The following RORA variants were observed in gnomAD, a reference collection of about 807,000 sequenced individuals.
RORA encodes nuclear receptor ROR-alpha.
RORA carries 7 observed loss-of-function variants against 69.5 expected under a neutral mutation model. The observed-to-expected ratio is 0.10, with a 90% CI of 0.06 to 0.19. The LOEUF (loss-of-function observed/expected upper bound fraction) is 0.19. Among genes scored for constraint, RORA ranks in the 10% least tolerant of loss-of-function variants. The pLI, the probability that RORA is intolerant of heterozygous loss-of-function variation, is 1.00. For missense variants in RORA, 457 were observed against 663.0 expected (o/e 0.69, Z 3.41); for synonymous variants, 261 against 240.8 (o/e 1.08, Z -0.78).
At chr15:60,724,116 T>C (rs1403248617) in intron 1 of RORA, among the ~76,000 whole-genome samples, 1 of 152,312 alleles carries the variant, frequency 6.6e-6, no homozygotes. Context: ...TCATGAATTT[T>C]TATCTTGGAT....
Position 61,182,611 on chromosome 15 carries a change from G to A in RORA, c.166+46442C>T, listed in dbSNP as rs768060306. ...AACCATGACAAAGGCTTGAAAAGGA[G>A]CTTGTGGTAAGTTTAAGGAGAAGTA... is the stretch of plus-strand genomic sequence containing the variant. On this transcript the variant is annotated intron_variant, in intron 1 of 10. Coordinates refer to ENST00000335670, the MANE Select transcript of RORA (RefSeq NM_134261.3). Among the ~76,000 whole-genome samples, 28 of 152,306 alleles carry A rather than the reference G, an allele frequency of 1.8e-4. No individual in the cohort carries two copies. In the Middle Eastern group the frequency reaches 0.02, roughly 111 times the overall value.
chr15:61,103,469 G>A (rs945883543), intron 1 of RORA, among the ~76,000 whole-genome samples: 4 of 152,208 alleles, frequency 2.6e-5, no homozygotes, highest in African/African-American at 9.7e-5. Context: ...CTCACAGGGA[G>A]GGTGGGGTGC....
chr15:60,514,533 G>C, intron 4 of RORA, 83 bp downstream of exon 4: 2 of 1,363,778 alleles, frequency 1.5e-6, no homozygotes, highest in South Asian at 2.5e-5. Context: ...AGGCGGGGCA[G>C]ATATTGGCAG....
chr15:61,000,704 G>T (rs1894718198), intron 1 of RORA, among the ~76,000 whole-genome samples: 1 of 152,230 alleles, frequency 6.6e-6, no homozygotes, highest in South Asian at 2.1e-4. Context: ...GATTACTATT[G>T]TCCAGCACAT....
intron 1 of RORA, among the ~76,000 whole-genome samples, chr15:60,982,438 T>C (rs1894072327): frequency 1.3e-5 from 2 of 152,240 alleles, no homozygotes; most frequent in Non-Finnish European, 2.9e-5. Flanking sequence ...CCCCAATTGT[T>C]ATCCATTGCC....
intron 2 of RORA, chr15:60,627,304 T>G (rs748254416): frequency 2.5e-6 from 4 of 1,614,168 alleles, no homozygotes; most frequent in Non-Finnish European, 3.4e-6. Context: ...TCGAAGACAA[T>G]GACCCATGAT....
chr15:60,648,052 T>A (rs1352947450), intron 2 of RORA, among the ~76,000 whole-genome samples: 1 of 152,176 alleles, frequency 6.6e-6, no homozygotes, highest in African/African-American at 2.4e-5. Context: ...CTGACTTCGA[T>A]TGGCTAACTT....
intron 1 of RORA, among the ~76,000 whole-genome samples, chr15:61,154,668 C>A (rs12708465): frequency 0.53 from 80,749 of 151,556 alleles, 22,081 homozygotes; most frequent in Non-Finnish European, 0.59. Context: ...ATCATACAGT[C>A]AAGTCCCTCT....
At chr15:60,650,064 T>C (rs2070116623) in intron 2 of RORA, among the ~76,000 whole-genome samples, 1 of 152,196 alleles carries the variant, frequency 6.6e-6, no homozygotes, top group Non-Finnish European at 1.5e-5. Flanking sequence ...TATCTTTTCA[T>C]CCTAAGACTT....
intron 1 of RORA, among the ~76,000 whole-genome samples, chr15:61,132,685 C>T (rs1201299490): frequency 6.6e-6 from 1 of 152,172 alleles, no homozygotes; most frequent in African/African-American, 2.4e-5. Context: ...GATTCTAAGT[C>T]TGCTGTAACA....
rs555290263 is a variant in RORA, at chr15:61,015,348, C to A, written c.166+213705G>T. Among the ~76,000 whole-genome samples, 12 of 152,116 alleles carry A rather than the reference C, an allele frequency of 7.9e-5. No individual in the cohort carries two copies. In the South Asian group the frequency reaches 2.1e-3, roughly 26 times the overall value. On this transcript the variant is annotated intron_variant, in intron 1 of 10. Coordinates refer to ENST00000335670, the MANE Select transcript of RORA (RefSeq NM_134261.3). ...TTGAAAACCAGCTAAAAATGCATAT[C>A]AAAATGTAAAATGCCTAAATCAGCA...
intron 1 of RORA, among the ~76,000 whole-genome samples, chr15:60,884,001 G>C (rs1335088061): frequency 1.3e-5 from 2 of 152,206 alleles, no homozygotes; most frequent in African/African-American, 4.8e-5. Flanking sequence ...GTAACACCAA[G>C]AGCTAAAACA....
chr15:61,063,000 T>G (rs2078208078), intron 1 of RORA, among the ~76,000 whole-genome samples: 1 of 152,066 alleles, frequency 6.6e-6, no homozygotes, highest in South Asian at 2.1e-4. Context: ...TCCCACCACA[T>G]AAAGAAAAGA....
At chr15:61,015,347 T>C (rs1381415463) in intron 1 of RORA, among the ~76,000 whole-genome samples, 1 of 152,068 alleles carries the variant, frequency 6.6e-6, no homozygotes, top group Non-Finnish European at 1.5e-5. Flanking sequence ...AAAATGCATA[T>C]CAAAATGTAA....
chr15:61,045,031 A>T (rs535701355), intron 1 of RORA, among the ~76,000 whole-genome samples: 1 of 152,322 alleles, frequency 6.6e-6, no homozygotes. Context: ...AGCTCAGTTA[A>T]TATTGATATA....
intron 1 of RORA, among the ~76,000 whole-genome samples, chr15:60,790,725 T>A (rs2072403110): frequency 1.3e-5 from 2 of 152,224 alleles, no homozygotes; most frequent in Non-Finnish European, 2.9e-5. Context: ...TCTGCTTTGC[T>A]ATGTTAAGAA....
chr15:60,896,971 G>A (rs926965997), intron 1 of RORA, among the ~76,000 whole-genome samples: 38 of 152,118 alleles, frequency 2.5e-4, no homozygotes, highest in African/African-American at 8.9e-4. Context: ...GGTCAGGACA[G>A]AATATCTACC....
At chr15:60,598,335 T>C (rs899516230) in intron 2 of RORA, 1 of 152,260 alleles carries the variant, frequency 6.6e-6, no homozygotes, top group Non-Finnish European at 1.5e-5. Context: ...AAAACAAGTA[T>C]AGTTGACCCT....
chr15:61,081,107 G>C (rs572075158), intron 1 of RORA, among the ~76,000 whole-genome samples: 4 of 152,214 alleles, frequency 2.6e-5, no homozygotes, highest in African/African-American at 9.6e-5. Context: ...ACATATTTCT[G>C]GTAAGCGCCA....
Sources: allele counts gnomAD v4.1 joint callset (sites outside exome capture counted in the v4.1 genomes callset), GRCh38; gene constraint gnomAD v4.1.1; transcripts MANE v1.5; gene names NCBI Gene and HGNC (gene_info 2026-07-23, HGNC 2026-07-21).